DSCAM: variants seen among roughly 807,000 people sequenced by gnomAD.
DSCAM encodes cell adhesion molecule DSCAM.
Under a neutral mutation model 217.7 loss-of-function variants are expected in DSCAM, and 47 were observed. That is an observed-to-expected ratio of 0.22 (90% CI 0.17 to 0.28). The LOEUF (loss-of-function observed/expected upper bound fraction) is 0.28, where lower values mean the gene tolerates loss of function less well. Among genes scored for constraint, DSCAM ranks in the 10% least tolerant of loss-of-function variants. The pLI is 1.00. For synonymous variants in DSCAM, 1,056 were observed against 1,015.3 expected, an observed-to-expected ratio of 1.04 and a Z score of -0.76; for missense variants, 2,080 against 2,618.3, an observed-to-expected ratio of 0.79 and a Z score of 4.49.
At chr21:40,029,203 A>ACTGCTTCTTCTTCTTATGATGTTTATC (rs2088468409) in intron 32 of DSCAM, among the ~76,000 whole-genome samples, 2 of 151,862 alleles carry the variant, frequency 1.3e-5, no homozygotes, top group Non-Finnish European at 2.9e-5. Flanking sequence ...TTCTTGGATT[A>ACTGCTTCTTCTTCTTATGATGTTTATC]CTGCTTCTTC....
chr21:40,297,611 G>A (rs1014353648), intron 9 of DSCAM, among the ~76,000 whole-genome samples: 4 of 152,168 alleles, frequency 2.6e-5, no homozygotes, highest in African/African-American at 9.7e-5. Flanking sequence ...AAGTTAGCAA[G>A]GGGCTTAGAA....
intron 27 of DSCAM, among the ~76,000 whole-genome samples, chr21:40,065,270 G>T (rs1261031287): frequency 6.6e-6 from 1 of 152,052 alleles, no homozygotes; most frequent in Non-Finnish European, 1.5e-5. Context: ...GGGACATTAG[G>T]TGAGGCTGTT....
chr21:40,586,177 C>A (rs547471289), intron 3 of DSCAM, among the ~76,000 whole-genome samples: 1 of 152,214 alleles, frequency 6.6e-6, no homozygotes, highest in East Asian at 1.9e-4. Context: ...TGTTTCTGTT[C>A]TTGCCATGGG....
rs17000339 is a variant in DSCAM at position 40,825,939 on chromosome 21, A to G, written c.43+20680T>C. ...GACATCCAGTCCCTAAGAGCTATAC[A>G]TTGCTTTAAACAACATTCATTGGTT... On this transcript the variant is annotated intron_variant, in intron 1 of 32. Transcript: ENST00000400454. Among the ~76,000 whole-genome samples the G allele has an allele frequency of 4.7e-3, 718 of 152,332 alleles. 11 individuals carry two copies. The highest frequency in any genetic ancestry group is 0.016 in the African/African-American group (678 of 41,570).
intron 3 of DSCAM, among the ~76,000 whole-genome samples, chr21:40,529,684 A>C (rs2146105601): frequency 6.6e-6 from 1 of 152,284 alleles, no homozygotes; most frequent in Admixed American, 6.5e-5. Context: ...CCATATAAGA[A>C]TGTTCCAGAC....
At chr21:40,027,015 C>T (rs1290931295) in intron 32 of DSCAM, among the ~76,000 whole-genome samples, 61 of 152,324 alleles carry the variant, frequency 4.0e-4, no homozygotes, top group Middle Eastern at 3.4e-3. Context: ...TGGCTGGTAC[C>T]GGTTGTTCCT....
At chr21:40,261,773 T>C (rs2146980898) in intron 11 of DSCAM, among the ~76,000 whole-genome samples, 1 of 152,280 alleles carries the variant, frequency 6.6e-6, no homozygotes, top group Non-Finnish European at 1.5e-5. Flanking sequence ...CTATATGTCT[T>C]ATTGGCTTTG....
At chr21:40,510,762 C>A (rs1244740969) in intron 3 of DSCAM, among the ~76,000 whole-genome samples, 1 of 152,200 alleles carries the variant, frequency 6.6e-6, no homozygotes, top group Non-Finnish European at 1.5e-5. Flanking sequence ...CATTCTGAAA[C>A]AAATCAGGAT....
intron 3 of DSCAM, among the ~76,000 whole-genome samples, chr21:40,436,221 C>A (rs1483770787): frequency 6.6e-6 from 1 of 152,184 alleles, no homozygotes; most frequent in African/African-American, 2.4e-5. Flanking sequence ...ATTAAAGTGT[C>A]TCTGTATCAA....
At chr21:40,107,328 G>C (rs2089833648) in intron 20 of DSCAM, among the ~76,000 whole-genome samples, 1 of 152,144 alleles carries the variant, frequency 6.6e-6, no homozygotes, top group Non-Finnish European at 1.5e-5. Flanking sequence ...TTGTGCTGTG[G>C]TCTGAGAGAC....
chr21:40,102,648 A>G lies in DSCAM; in HGVS notation c.3697-8774T>C, dbSNP rs544076242. 2.2e-4 allele frequency among the ~76,000 whole-genome samples: 34 copies of G among 152,340 alleles called. No individual in the cohort carries two copies. In the East Asian group the frequency reaches 6.2e-3, roughly 28 times the overall value. ...TTTCATGTGTAAGATGCTTTTGACC[A>G]GTAAATAAGATATAATTAGCCACAG... On this transcript the variant is annotated intron_variant, in intron 20 of 32. Transcript: ENST00000400454.
At chr21:40,229,094 T>C (rs1434876486) in intron 11 of DSCAM, among the ~76,000 whole-genome samples, 3 of 152,200 alleles carry the variant, frequency 2.0e-5, no homozygotes, top group Non-Finnish European at 4.4e-5. Context: ...CCCAGGGCCC[T>C]AATTGTTTAA....
chr21:40,401,472 G>A (rs776759305), intron 3 of DSCAM, among the ~76,000 whole-genome samples: 6 of 152,014 alleles, frequency 3.9e-5, no homozygotes, highest in South Asian at 4.2e-4. Context: ...ATTGGATCCC[G>A]CAGCCTTGAC....
chr21:40,376,484 TATATAG>T (rs1402003898), intron 3 of DSCAM, among the ~76,000 whole-genome samples: 10 of 129,464 alleles, frequency 7.7e-5, no homozygotes, highest in East Asian at 2.4e-4. Flanking sequence ...CTATATATCT[TATATAG>T]ATATCTATAT....
intron 3 of DSCAM, among the ~76,000 whole-genome samples, chr21:40,553,166 GAAGA>G (rs1163996000): frequency 6.6e-6 from 1 of 152,180 alleles, no homozygotes; most frequent in Non-Finnish European, 1.5e-5. Flanking sequence ...AAAAATAAAA[GAAGA>G]AACAGCACAA....
At chr21:40,402,259 C>T (rs1378662399) in intron 3 of DSCAM, among the ~76,000 whole-genome samples, 3 of 149,206 alleles carry the variant, frequency 2.0e-5, no homozygotes, top group Non-Finnish European at 3.0e-5. Flanking sequence ...TTAGTAGAGA[C>T]GGGGTTTCAC....
intron 3 of DSCAM, among the ~76,000 whole-genome samples, chr21:40,428,994 C>T (rs565675817): frequency 3.9e-5 from 6 of 152,224 alleles, no homozygotes; most frequent in South Asian, 4.1e-4. Context: ...ACAGCCCCCA[C>T]ATGGCTACTG....
intron 3 of DSCAM, among the ~76,000 whole-genome samples, chr21:40,640,640 C>A (rs2089866475): frequency 6.6e-6 from 1 of 152,122 alleles, no homozygotes; most frequent in African/African-American, 2.4e-5. Flanking sequence ...CTGGCGGAGG[C>A]TCTGGGAGCG....
At chr21:40,677,674 T>C (rs1018511383) in intron 3 of DSCAM, among the ~76,000 whole-genome samples, 3 of 152,200 alleles carry the variant, frequency 2.0e-5, no homozygotes, top group Admixed American at 2.0e-4. Context: ...AATGTGATGC[T>C]ATCGGGAGGT....
Sources: allele counts gnomAD v4.1 joint callset (sites outside exome capture counted in the v4.1 genomes callset), GRCh38; gene constraint gnomAD v4.1.1; transcripts MANE v1.5; gene names NCBI Gene and HGNC (gene_info 2026-07-23, HGNC 2026-07-21).